Variants in MAGI1 observed in about 807,000 individuals in gnomAD.
MAGI1 encodes membrane-associated guanylate kinase, WW and PDZ domain-containing protein 1.
Under a neutral mutation model 139.9 loss-of-function variants are expected in MAGI1, and 58 were observed. The observed-to-expected ratio is 0.41, with a 90% confidence interval of 0.34 to 0.52. MAGI1 has a LOEUF of 0.52. MAGI1 is among the 20% of genes least tolerant of loss of function. MAGI1 has a pLI of 0.12. For synonymous variants in MAGI1, 812 were observed against 737.9 expected (o/e 1.10, Z -1.63); for missense variants, 1,874 against 1,901.6 (o/e 0.99, Z 0.27).
chr3:65,583,884 T>C (rs2081551089), intron 2 of MAGI1, among the ~76,000 whole-genome samples: 1 of 152,114 alleles, frequency 6.6e-6, no homozygotes, highest in Admixed American at 6.5e-5. Context: ...TCCCTGAAGA[T>C]GAGACTGTGA....
chr3:65,841,254 A>G (rs531726019), intron 1 of MAGI1, among the ~76,000 whole-genome samples: 3 of 151,314 alleles, frequency 2.0e-5, no homozygotes, highest in Admixed American at 6.6e-5. Context: ...GATTTTCTCT[A>G]TTGTTTTCTG....
rs1257497305 is a variant in MAGI1 at position 65,662,246 on chromosome 3, A to T, written c.314-40158T>A. Among the ~76,000 whole-genome samples, 8 of 152,228 alleles carry T rather than the reference A, an allele frequency of 5.3e-5. No homozygotes were observed. In the East Asian group the frequency reaches 1.5e-3, roughly 29 times the overall value. On this transcript the variant is annotated intron_variant, in intron 1 of 22. Coordinates refer to ENST00000402939, the MANE Select transcript of MAGI1 (RefSeq NM_001033057.2). The stretch of plus-strand genomic sequence containing the variant: ...TTAACAAGTAAGCCATACTCAGTCC[A>T]TGCAGAAGCCAAATTGTTTACATAT...
chr3:65,823,889 A>T (rs2042077593), intron 1 of MAGI1, among the ~76,000 whole-genome samples: 2 of 152,208 alleles, frequency 1.3e-5, no homozygotes, highest in Admixed American at 6.5e-5. Flanking sequence ...GAGAGGTCAT[A>T]GTGCACACTG....
Position 65,448,037 on chromosome 3 carries a change from G to A in MAGI1, c.1063C>T (p.Leu355=), listed in dbSNP as rs746716247. 6 of 1,614,084 alleles carry A rather than the reference G, an allele frequency of 3.7e-6. No homozygotes were observed. In the East Asian group the frequency reaches 6.7e-5, roughly 18 times the overall value. Residue 355 remains leucine (L), a synonymous_variant, in exon 7 of 23, where the codon CTG becomes TTG. Transcript: ENST00000402939. Reference sequence around the variant, plus strand: ...GAGGGTTTACCTAGTTCACTGTCCAGCTCCTCGGTGTGTACCCCTTCTTCT... The same window carrying A: ...GAGGGTTTACCTAGTTCACTGTCCAACTCCTCGGTGTGTACCCCTTCTTCT... The part of the protein sequence containing the change: ...EDDEGVHTEE[L]DSELELPAGW...
intron 1 of MAGI1, among the ~76,000 whole-genome samples, chr3:65,758,989 G>C (rs1179013962): frequency 7.2e-6 from 1 of 138,612 alleles, no homozygotes; most frequent in African/African-American, 2.7e-5. Context: ...TCTAATCCTT[G>C]CAAGCTTTCT....
chr3:65,885,552 T>C (rs771124343), intron 1 of MAGI1, among the ~76,000 whole-genome samples: 30 of 152,300 alleles, frequency 2.0e-4, no homozygotes, highest in Non-Finnish European at 3.2e-4. Flanking sequence ...TCCTTACATG[T>C]CATGGAGGGA....
chr3:65,667,438 A>G (rs2086600538), intron 1 of MAGI1, among the ~76,000 whole-genome samples: 1 of 152,226 alleles, frequency 6.6e-6, no homozygotes, highest in Non-Finnish European at 1.5e-5. Context: ...ATGCTACCGC[A>G]TGAGAAGTGT....
Position 65,569,617 on chromosome 3 carries a change from A to C in MAGI1, c.430+52355T>G, listed in dbSNP as rs1353486133. 2.0e-5 allele frequency among the ~76,000 whole-genome samples: 3 copies of C among 152,074 alleles called. No individual in the cohort carries two copies. In the East Asian group the frequency reaches 5.8e-4, roughly 29 times the overall value. On this transcript the variant is annotated intron_variant, in intron 2 of 22. Coordinates refer to ENST00000402939, the MANE Select transcript of MAGI1 (RefSeq NM_001033057.2). The stretch of plus-strand genomic sequence containing the variant: ...AGACGGCAGGCACGGTGGCTTGTGC[A>C]TGTAATCCCAGCACTTTGAGAGGCC...
At chr3:65,881,411 G>A (rs1054312936) in intron 1 of MAGI1, among the ~76,000 whole-genome samples, 6 of 152,224 alleles carry the variant, frequency 3.9e-5, no homozygotes, top group Admixed American at 1.3e-4. Context: ...AGGATCACTC[G>A]AGGCCAGGAG....
chr3:65,492,689 C>T (rs1018628347), intron 3 of MAGI1, among the ~76,000 whole-genome samples: 4 of 152,066 alleles, frequency 2.6e-5, no homozygotes, highest in East Asian at 1.9e-4. Context: ...CATGTGCACA[C>T]GCATGTCTGT....
At chr3:65,371,989 A>T (rs1942049260) in intron 18 of MAGI1, 1 of 350,572 alleles carries the variant, frequency 2.9e-6, no homozygotes, top group Non-Finnish European at 5.6e-6. Context: ...GGTTGGAATC[A>T]ACCTCTTCTA....
chr3:65,449,572 C>T (rs1575788300), intron 6 of MAGI1, among the ~76,000 whole-genome samples: 2 of 151,922 alleles, frequency 1.3e-5, no homozygotes, highest in Admixed American at 6.6e-5. Context: ...GTTGGGAGTT[C>T]GAGACCAGCC....
At chr3:65,568,374 T>C (rs569720586) in intron 2 of MAGI1, among the ~76,000 whole-genome samples, 65 of 152,264 alleles carry the variant, frequency 4.3e-4, no homozygotes, top group African/African-American at 1.5e-3. Flanking sequence ...GCAGGCAATA[T>C]AGGTGATTCC....
Position 65,402,812 on chromosome 3 carries a change from A to G in MAGI1, c.2168-1342T>C, listed in dbSNP as rs146320433. Among the ~76,000 whole-genome samples, 439 of 152,212 alleles carry G rather than the reference A, an allele frequency of 2.9e-3. 3 individuals carry two copies. Among genetic ancestry groups the G allele is most frequent in the Admixed American group, 0.021 (321 of 15,284 alleles). Reference sequence around the variant, plus strand: ...CATGATGAGGATTACTCGTCGTGGGAGGCATGAGGGCACTCTCTGGCAAGG... The same window carrying G: ...CATGATGAGGATTACTCGTCGTGGGGGGCATGAGGGCACTCTCTGGCAAGG... On this transcript the variant is annotated intron_variant, in intron 12 of 22. Transcript: ENST00000402939.
At position 65,461,538 on chromosome 3, in the gene MAGI1, G is replaced by A. The variant is rs139983952; in HGVS notation, c.960-8198C>T. 6.2e-3 allele frequency among the ~76,000 whole-genome samples: 931 copies of A among 149,182 alleles called. 13 individuals carry two copies. The highest frequency in any genetic ancestry group is 0.022 in the African/African-American group (887 of 40,318). On this transcript the variant is annotated intron_variant, in intron 5 of 22. Coordinates refer to ENST00000402939, the MANE Select transcript of MAGI1 (RefSeq NM_001033057.2). ...GAGTCTCACTCTGTCGCCCAGGCTGGAGAGTGGTGGCGTGATCTTGGCTCA... is the reference window on the plus strand; with the variant it reads ...GAGTCTCACTCTGTCGCCCAGGCTGAAGAGTGGTGGCGTGATCTTGGCTCA...
At chr3:65,778,618 G>T (rs1310969012) in intron 1 of MAGI1, among the ~76,000 whole-genome samples, 1 of 152,222 alleles carries the variant, frequency 6.6e-6, no homozygotes, top group East Asian at 1.9e-4. Context: ...TGAGGAAACA[G>T]CAGTTAAGCA....
intron 1 of MAGI1, among the ~76,000 whole-genome samples, chr3:65,747,513 T>C (rs1490375546): frequency 1.2e-5 from 1 of 85,610 alleles, no homozygotes; most frequent in Non-Finnish European, 3.1e-5. Flanking sequence ...TTATTGTAAT[T>C]TTTTTAAATG....
rs764628695 is a variant in MAGI1, at chr3:65,470,459, G to C, written c.783C>G (p.His261Gln). The C allele has an allele frequency of 1.2e-6, 2 of 1,613,106 alleles. No individual in the cohort carries two copies. Among genetic ancestry groups the C allele is most frequent in the South Asian group, 1.1e-5 (1 of 91,016 alleles). The change falls in exon 5 of 23, where the codon CAC becomes CAG. Residue 261 changes from histidine to glutamine, a missense_variant. Physicochemically the swap from His to Gln is conservative, Grantham distance 24. This residue lies in a region of MAGI1 where 648 missense variants were observed against 598.1 expected (regional missense o/e 1.08). Coordinates refer to ENST00000402939, the MANE Select transcript of MAGI1 (RefSeq NM_001033057.2). ...GTGGTAATGCTGTTTCTTGGAGAGTGTGCTCCTCTTGTTCACCAGAATCGG... is the reference window on the plus strand; with the variant it reads ...GTGGTAATGCTGTTTCTTGGAGAGTCTGCTCCTCTTGTTCACCAGAATCGG... ...FTADSGEQEE[H>Q]TLQETALPPV...
At chr3:65,360,300 G>A (rs1940686441) in intron 22 of MAGI1, 1 of 983,876 alleles carries the variant, frequency 1.0e-6, no homozygotes, top group Non-Finnish European at 1.2e-6. Flanking sequence ...TAGAAACTTT[G>A]GTAGACCTTT....
Sources: allele counts gnomAD v4.1 joint callset (sites outside exome capture counted in the v4.1 genomes callset), GRCh38; gene constraint gnomAD v4.1.1; regional missense constraint gnomAD v4.1.1; transcripts MANE v1.5; gene names NCBI Gene and HGNC (gene_info 2026-07-23, HGNC 2026-07-21).